The following FHIT variants were observed in gnomAD, a reference collection of about 807,000 sequenced individuals.
FHIT encodes bis(5'-adenosyl)-triphosphatase.
In FHIT, 19 loss-of-function variants were observed where a neutral mutation model predicts 17.9. The observed-to-expected ratio is 1.06, with a 90% CI of 0.74 to 1.56. The LOEUF is 1.56. FHIT is among the 40% of genes most tolerant of loss of function. The pLI is 0.00. For missense variants in FHIT, 248 were observed against 189.2 expected, an observed-to-expected ratio of 1.31 and a Z score of -1.82; for synonymous variants, 81 against 69.7, an observed-to-expected ratio of 1.16 and a Z score of -0.81.
intron 3 of FHIT, among the ~76,000 whole-genome samples, chr3:60,883,031 T>C (rs1308143805): frequency 1.3e-5 from 2 of 151,984 alleles, no homozygotes; most frequent in Admixed American, 1.3e-4. Context: ...AGGATACAAA[T>C]TAACATACAA....
At chr3:60,442,653 C>G (rs1337220413) in intron 5 of FHIT, among the ~76,000 whole-genome samples, 1 of 152,096 alleles carries the variant, frequency 6.6e-6, no homozygotes, top group Non-Finnish European at 1.5e-5. Flanking sequence ...GGTAACAGTA[C>G]CATGCTGTTT....
intron 8 of FHIT, among the ~76,000 whole-genome samples, chr3:59,780,582 G>C (rs1702536998): frequency 6.6e-6 from 1 of 152,164 alleles, no homozygotes; most frequent in Admixed American, 6.5e-5. Flanking sequence ...ATCCAGTTAA[G>C]ATATTTGTTA....
intron 3 of FHIT, among the ~76,000 whole-genome samples, chr3:60,931,096 C>G (rs1707926630): frequency 6.6e-6 from 1 of 151,936 alleles, no homozygotes; most frequent in South Asian, 2.1e-4. Context: ...CCATCATTCT[C>G]AGCAAACTAT....
chr3:60,153,316 T>C (rs569076223), intron 5 of FHIT, among the ~76,000 whole-genome samples: 1 of 139,318 alleles, frequency 7.2e-6, no homozygotes, highest in Non-Finnish European at 1.5e-5. Flanking sequence ...CATAGTTCCT[T>C]AAGATAAACC....
intron 8 of FHIT, among the ~76,000 whole-genome samples, chr3:59,873,154 C>T (rs1173097354): frequency 6.6e-6 from 1 of 152,192 alleles, no homozygotes; most frequent in Non-Finnish European, 1.5e-5. Context: ...CAGTGCCCCT[C>T]ACTTGTTTCC....
chr3:60,318,355 AT>A (rs1251520356), intron 5 of FHIT, among the ~76,000 whole-genome samples: 1 of 152,198 alleles, frequency 6.6e-6, no homozygotes, highest in Non-Finnish European at 1.5e-5. Flanking sequence ...ACAACACTGA[AT>A]CAAGAGTGAA....
In FHIT at chr3:59,843,337, T is replaced by G. The variant is rs553207979; in HGVS notation, c.348+79009A>C. On this transcript the variant is annotated intron_variant, in intron 8 of 9. Transcript: ENST00000492590. The stretch of plus-strand genomic sequence containing the variant: ...TGACTCCTACAGTTTACAGTAAGTT[T>G]TGTAATCATAAAGTATGAGTCCTCC... Among the ~76,000 whole-genome samples the G allele has an allele frequency of 3.9e-5, 6 of 152,292 alleles. No homozygotes were observed. In the East Asian group the frequency reaches 1.2e-3, roughly 29 times the overall value.
intron 2 of FHIT, among the ~76,000 whole-genome samples, chr3:61,113,765 C>T (rs752854971): frequency 4.6e-5 from 7 of 152,110 alleles, no homozygotes; most frequent in Non-Finnish European, 8.8e-5. Context: ...TGATATACAG[C>T]GGATGCTCGA....
At chr3:60,093,593 C>T (rs11921963) in intron 5 of FHIT, among the ~76,000 whole-genome samples, 4 of 152,136 alleles carry the variant, frequency 2.6e-5, no homozygotes, top group Non-Finnish European at 4.4e-5. Flanking sequence ...CCCCAACCGC[C>T]GTGCCACACA....
At chr3:59,932,734 T>C (rs1706035806) in intron 7 of FHIT, among the ~76,000 whole-genome samples, 1 of 152,106 alleles carries the variant, frequency 6.6e-6, no homozygotes, top group Non-Finnish European at 1.5e-5. Flanking sequence ...GTTTCTGTAA[T>C]AGACCTAAAC....
intron 5 of FHIT, among the ~76,000 whole-genome samples, chr3:60,056,431 T>A (rs1209285791): frequency 3.3e-5 from 5 of 152,240 alleles, no homozygotes; most frequent in Admixed American, 2.6e-4. Flanking sequence ...CTGTCCCGAT[T>A]CTATTGTTTG....
intron 8 of FHIT, among the ~76,000 whole-genome samples, chr3:59,902,271 G>C (rs918925943): frequency 2.6e-5 from 4 of 152,106 alleles, no homozygotes; most frequent in African/African-American, 9.7e-5. Flanking sequence ...CACGTGTTAG[G>C]ATGGCCATTA....
At chr3:60,513,634 GT>G (rs1010417210) in intron 5 of FHIT, among the ~76,000 whole-genome samples, 7 of 152,102 alleles carry the variant, frequency 4.6e-5, no homozygotes, top group Non-Finnish European at 8.8e-5. Context: ...AACACCACAT[GT>G]TCTCACTTAC....
intron 3 of FHIT, among the ~76,000 whole-genome samples, chr3:60,915,012 TTACAC>T (rs1706929251): frequency 6.6e-6 from 1 of 152,214 alleles, no homozygotes; most frequent in Non-Finnish European, 1.5e-5. Flanking sequence ...TAAGCTCTGA[TTACAC>T]TACATAGTTC....
intron 2 of FHIT, among the ~76,000 whole-genome samples, chr3:61,059,279 T>G (rs1272798095): frequency 3.3e-5 from 5 of 152,114 alleles, no homozygotes; most frequent in Non-Finnish European, 7.4e-5. Flanking sequence ...GTAATTCACA[T>G]GTGAATTTTA....
At chr3:60,840,611 G>A (rs1279027264) in intron 3 of FHIT, among the ~76,000 whole-genome samples, 6 of 152,174 alleles carry the variant, frequency 3.9e-5, no homozygotes, top group Admixed American at 3.3e-4. Context: ...AAGAGTGTCT[G>A]TGTTTATTTA....
At chr3:60,340,388 T>C (rs1710456835) in intron 5 of FHIT, among the ~76,000 whole-genome samples, 1 of 152,160 alleles carries the variant, frequency 6.6e-6, no homozygotes, top group Admixed American at 6.5e-5. Context: ...AGTGGTACAT[T>C]GCCTCTGATC....
At chr3:60,918,157 T>C (rs1707100101) in intron 3 of FHIT, among the ~76,000 whole-genome samples, 1 of 152,218 alleles carries the variant, frequency 6.6e-6, no homozygotes. Context: ...ATGTAAGGCA[T>C]GCCTTTCTCC....
At chr3:60,569,854 T>G (rs986176253) in intron 4 of FHIT, among the ~76,000 whole-genome samples, 2 of 150,192 alleles carry the variant, frequency 1.3e-5, no homozygotes, top group African/African-American at 4.9e-5. Flanking sequence ...CAGGTTCAAG[T>G]GATTCTCCTG....
Sources: gnomAD v4.1 joint callset for allele counts (sites outside exome capture counted in the v4.1 genomes callset) on GRCh38, gnomAD v4.1.1 for gene constraint, MANE v1.5 for transcripts, NCBI Gene and HGNC (gene_info 2026-07-23, HGNC 2026-07-21) for gene names.